Variants in TASP1 observed in about 807,000 individuals in gnomAD.
TASP1 encodes threonine aspartase 1.
In TASP1, 16 loss-of-function variants were observed where a neutral mutation model predicts 56.6. The observed-to-expected ratio is 0.28, with a 90% CI of 0.19 to 0.43. TASP1 has a LOEUF of 0.43. Ranked by LOEUF, TASP1 falls within the 20% of genes least tolerant of loss-of-function variation. The pLI is 1.00. For synonymous variants in TASP1, 179 were observed against 184.2 expected, an observed-to-expected ratio of 0.97 and a Z score of 0.23; for missense variants, 393 against 511.6, an observed-to-expected ratio of 0.77 and a Z score of 2.24.
chr20:13,497,441 A>G (rs2043774632), intron 10 of TASP1, among the ~76,000 whole-genome samples: 1 of 152,238 alleles, frequency 6.6e-6, no homozygotes, highest in Admixed American at 6.5e-5. Context: ...AAGTAAAAAT[A>G]TCCCCAGTGA....
chr20:13,418,523 T>C (rs925064778), intron 12 of TASP1, among the ~76,000 whole-genome samples: 20 of 152,134 alleles, frequency 1.3e-4, no homozygotes, highest in African/African-American at 4.6e-4. Flanking sequence ...AAGACAAAGC[T>C]CTTCCTTCAG....
the TASP1 span, among the ~76,000 whole-genome samples, chr20:13,111,883 A>G: frequency 2.0e-5 from 3 of 152,198 alleles, no homozygotes; most frequent in South Asian, 2.1e-4. Context: ...TTACTGGCAA[A>G]TATTCCCATC....
intron 13 of TASP1, among the ~76,000 whole-genome samples, chr20:13,411,617 C>T (rs1051483813): frequency 6.6e-6 from 1 of 152,064 alleles, no homozygotes; most frequent in Non-Finnish European, 1.5e-5. Context: ...CTAATTTTTA[C>T]GTGTTGATTT....
At chr20:13,565,487 C>T (rs1013286932) in intron 7 of TASP1, among the ~76,000 whole-genome samples, 3 of 152,014 alleles carry the variant, frequency 2.0e-5, no homozygotes, top group East Asian at 1.9e-4. Context: ...TGAAGAATTC[C>T]TATATCTCAA....
intron 1 of TASP1, among the ~76,000 whole-genome samples, chr20:13,635,398 T>TC (rs1219925048): frequency 1.3e-5 from 2 of 150,902 alleles, no homozygotes; most frequent in African/African-American, 2.4e-5. Context: ...TTTTTTTTTT[T>TC]TTTTTTTGAG....
chr20:13,193,811 C>G, the TASP1 span, among the ~76,000 whole-genome samples: 1 of 152,112 alleles, frequency 6.6e-6, no homozygotes, highest in South Asian at 2.1e-4. Context: ...TGTCCTTATT[C>G]AAGACAAGAA....
chr20:13,482,965 T>A (rs957458998), intron 11 of TASP1, among the ~76,000 whole-genome samples: 2 of 152,186 alleles, frequency 1.3e-5, no homozygotes, highest in African/African-American at 2.4e-5. Context: ...TATTAACATA[T>A]GGTTATGTAT....
chr20:13,258,066 A>G, the TASP1 span, among the ~76,000 whole-genome samples: 2 of 152,172 alleles, frequency 1.3e-5, no homozygotes, highest in African/African-American at 4.8e-5. Flanking sequence ...TTTAATGTAT[A>G]GTGCCTGGAA....
chr20:13,132,429 G>A, the TASP1 span, among the ~76,000 whole-genome samples: 89 of 151,944 alleles, frequency 5.9e-4, 1 homozygote, highest in East Asian at 0.015. Flanking sequence ...CACCCACCTC[G>A]GCCTCCCAAA....
At chr20:13,107,091 G>A in the TASP1 span, among the ~76,000 whole-genome samples, 1 of 152,096 alleles carries the variant, frequency 6.6e-6, no homozygotes, top group Non-Finnish European at 1.5e-5. Flanking sequence ...ACATTATATC[G>A]ATCAAAGTAG....
At chr20:13,158,460 G>A in the TASP1 span, among the ~76,000 whole-genome samples, 6 of 152,152 alleles carry the variant, frequency 3.9e-5, no homozygotes, top group East Asian at 1.2e-3. Context: ...GAAACATGCA[G>A]ACAGTGAAAG....
At chr20:13,288,111 C>T in the TASP1 span, among the ~76,000 whole-genome samples, 51 of 152,280 alleles carry the variant, frequency 3.3e-4, no homozygotes, top group Admixed American at 7.2e-4. Flanking sequence ...TCAGAAGCTG[C>T]CAGGCCTTAA....
At chr20:13,630,493 A>T (rs2049042712) in intron 1 of TASP1, among the ~76,000 whole-genome samples, 1 of 151,940 alleles carries the variant, frequency 6.6e-6, no homozygotes, top group African/African-American at 2.4e-5. Context: ...GTTCGAGACC[A>T]GCCTGACCAA....
At chr20:13,451,349 C>T (rs1367057252) in intron 11 of TASP1, among the ~76,000 whole-genome samples, 2 of 152,090 alleles carry the variant, frequency 1.3e-5, no homozygotes, top group Admixed American at 1.3e-4. Flanking sequence ...ACTGACTTCT[C>T]CTGGCCAGCT....
chr20:13,300,534 A>C, the TASP1 span: 1 of 152,338 alleles, frequency 6.6e-6, no homozygotes, highest in Middle Eastern at 3.4e-3. Context: ...AGCAATTGTT[A>C]ATATGACCTG....
At chr20:13,374,444 G>T in the TASP1 span, among the ~76,000 whole-genome samples, 51 of 151,940 alleles carry the variant, frequency 3.4e-4, no homozygotes, top group African/African-American at 1.2e-3. Flanking sequence ...GCCTCCCGGG[G>T]TTCACACCAT....
chr20:13,236,567 A>G, the TASP1 span, among the ~76,000 whole-genome samples: 2 of 152,188 alleles, frequency 1.3e-5, no homozygotes, highest in Non-Finnish European at 1.5e-5. Flanking sequence ...GAATTAACCC[A>G]AAAGTCCACA....
At chr20:13,426,151 T>C (rs533099691) in intron 12 of TASP1, among the ~76,000 whole-genome samples, 2 of 152,328 alleles carry the variant, frequency 1.3e-5, no homozygotes, top group Admixed American at 6.5e-5. Flanking sequence ...TTTTATCCTT[T>C]TATTGTATTA....
rs187917426 is a variant in TASP1, at chr20:13,417,443, C to G, written c.1170+5G>C. 1 of 1,613,754 alleles carries G rather than the reference C, an allele frequency of 6.2e-7. No individual in the cohort carries two copies. Among genetic ancestry groups the G allele is most frequent in the East Asian group, 2.2e-5 (1 of 44,868 alleles). On this transcript the variant is annotated splice_donor_5th_base_variant and intron_variant, in intron 13 of 13. Coordinates refer to ENST00000337743, the MANE Select transcript of TASP1 (RefSeq NM_017714.3). ...TTCAGGTTATGACCGTTTTTTCCCACTTACCTTGGCTTTCCCATCCTGGGC... is the reference window on the plus strand; with the variant it reads ...TTCAGGTTATGACCGTTTTTTCCCAGTTACCTTGGCTTTCCCATCCTGGGC...
Sources: allele counts gnomAD v4.1 joint callset (sites outside exome capture counted in the v4.1 genomes callset), GRCh38; gene constraint gnomAD v4.1.1; transcripts MANE v1.5; gene names NCBI Gene and HGNC (gene_info 2026-07-23, HGNC 2026-07-21).